TWIST2: variants seen among roughly 807,000 people sequenced by gnomAD.
TWIST2 encodes twist-related protein 2.
TWIST2 carries 1 observed loss-of-function variant against 11.6 expected under a neutral mutation model. The ratio of observed to expected loss-of-function variants is 0.09; its 90% CI spans 0.03 to 0.41. TWIST2 has a LOEUF of 0.41. TWIST2 is among the 10% of genes least tolerant of loss of function. The probability of loss-of-function intolerance (pLI) is 0.98; values close to 1 mark genes in which losing one functional copy is unlikely to be tolerated. For synonymous variants in TWIST2, 87 were observed against 96.6 expected, an observed-to-expected ratio of 0.90 and a Z score of 0.58; for missense variants, 168 against 226.4, an observed-to-expected ratio of 0.74 and a Z score of 1.66.
intron 1 of TWIST2, among the ~76,000 whole-genome samples, chr2:238,857,735 G>T (rs1188164888): frequency 1.3e-5 from 2 of 151,986 alleles, no homozygotes; most frequent in African/African-American, 4.8e-5. Flanking sequence ...CCAGGAGTTC[G>T]AGACCAGCCT....
At chr2:238,909,792 A>AG (rs1286003138) in intron 1 of TWIST2, 50 bp from the exon 2 acceptor site, 1 of 152,234 alleles carries the variant, frequency 6.6e-6, no homozygotes, top group Non-Finnish European at 1.5e-5. Context: ...ATCCTGCAGG[A>AG]GGCCGAGCGA....
Position 238,902,662 on chromosome 2 carries a change from G to GTGTGTGA in TWIST2, c.*36-7174_*36-7173insATGTGTG, listed in dbSNP as rs1348923325. ...AGGTGTGTGATGGTGTGTGTGTGAT[G>GTGTGTGA]TGTGTGTGATGTGGGGTGTGTGTGA... is the stretch of plus-strand genomic sequence containing the variant. On this transcript the variant is annotated intron_variant, in intron 1 of 1. Transcript: ENST00000612363. Among the ~76,000 whole-genome samples, 3 of 126,168 alleles carry GTGTGTGA rather than the reference G, an allele frequency of 2.4e-5. No homozygotes were observed. In the South Asian group the frequency reaches 8.4e-4, roughly 35 times the overall value. 82.8% of individuals were successfully genotyped at this position (126,168 alleles called of 152,430 possible). A position where few individuals can be genotyped will look rare whatever the true frequency, so the allele number is the denominator to read the frequency against.
At chr2:238,902,981 GT>G (rs1693294157) in intron 1 of TWIST2, among the ~76,000 whole-genome samples, 2 of 43,494 alleles carry the variant, frequency 4.6e-5, no homozygotes, top group African/African-American at 1.3e-4. Flanking sequence ...TGTGATGTGG[GT>G]GTGTGATGGG....
intron 1 of TWIST2, among the ~76,000 whole-genome samples, chr2:238,905,571 C>T (rs1450502691): frequency 6.6e-6 from 1 of 152,198 alleles, no homozygotes; most frequent in Non-Finnish European, 1.5e-5. Context: ...TGAAACCCAC[C>T]ACTGGCCAGG....
intron 1 of TWIST2, among the ~76,000 whole-genome samples, chr2:238,884,094 C>T (rs1256416303): frequency 6.6e-6 from 1 of 152,216 alleles, no homozygotes; most frequent in African/African-American, 2.4e-5. Flanking sequence ...AAGTTCAGCC[C>T]CTCCACAGAA....
At chr2:238,883,287 A>C (rs1399235099) in intron 1 of TWIST2, among the ~76,000 whole-genome samples, 1 of 152,196 alleles carries the variant, frequency 6.6e-6, no homozygotes, top group African/African-American at 2.4e-5. Context: ...GGAGACATGC[A>C]GGATCCACGA....
chr2:238,894,747 C>T (rs1411088570), intron 1 of TWIST2, among the ~76,000 whole-genome samples: 1 of 151,838 alleles, frequency 6.6e-6, no homozygotes, highest in Admixed American at 6.6e-5. Context: ...CCACCCCTCT[C>T]AACTGGGACT....
chr2:238,901,275 C>T (rs1346435606), intron 1 of TWIST2, among the ~76,000 whole-genome samples: 1 of 152,214 alleles, frequency 6.6e-6, no homozygotes, highest in Non-Finnish European at 1.5e-5. Flanking sequence ...CCGTGCCGGC[C>T]TCCTTTGCCT....
intron 1 of TWIST2, among the ~76,000 whole-genome samples, chr2:238,899,476 A>T (rs2106372473): frequency 6.6e-6 from 1 of 152,318 alleles, no homozygotes; most frequent in East Asian, 1.9e-4. Flanking sequence ...AGAAGTGGAA[A>T]CTGAGAGCTG....
chr2:238,900,170 C>T (rs1693252010), intron 1 of TWIST2, among the ~76,000 whole-genome samples: 1 of 152,178 alleles, frequency 6.6e-6, no homozygotes, highest in South Asian at 2.1e-4. Context: ...GCTATCGATA[C>T]ATTTGGGTTT....
chr2:238,893,793 A>G (rs1693176751), intron 1 of TWIST2, among the ~76,000 whole-genome samples: 1 of 152,140 alleles, frequency 6.6e-6, no homozygotes, highest in African/African-American at 2.4e-5. Flanking sequence ...GACCATTCCC[A>G]AGGAGCGCCG....
intron 1 of TWIST2, among the ~76,000 whole-genome samples, chr2:238,901,699 C>T (rs1025602275): frequency 3.3e-5 from 5 of 152,130 alleles, no homozygotes; most frequent in South Asian, 4.1e-4. Flanking sequence ...GGTCCAGACT[C>T]GGCAGGGGAC....
chr2:238,857,011 A>C (rs555695203), intron 1 of TWIST2, among the ~76,000 whole-genome samples: 57 of 152,282 alleles, frequency 3.7e-4, no homozygotes, highest in Non-Finnish European at 7.1e-4. Context: ...TGACAATCGC[A>C]GGTGATTCAG....
At chr2:238,879,204 G>A (rs945835559) in intron 1 of TWIST2, among the ~76,000 whole-genome samples, 3 of 152,126 alleles carry the variant, frequency 2.0e-5, no homozygotes, top group African/African-American at 7.2e-5. Flanking sequence ...AGACCCATGT[G>A]TCTTAGAGAG....
intron 1 of TWIST2, among the ~76,000 whole-genome samples, chr2:238,849,847 C>T (rs552182632): frequency 6.6e-6 from 1 of 152,342 alleles, no homozygotes; most frequent in Admixed American, 6.5e-5. Flanking sequence ...ATCCGCCATC[C>T]AGGGCCATGG....
At chr2:238,900,728 G>A (rs1693259234) in intron 1 of TWIST2, among the ~76,000 whole-genome samples, 1 of 152,104 alleles carries the variant, frequency 6.6e-6, no homozygotes, top group Non-Finnish European at 1.5e-5. Context: ...GGGGTGGTGA[G>A]CTTGTTTGGA....
chr2:238,909,157 G>GTGTAGTGTGGGGTGGTGTGTA (rs1693410687), intron 1 of TWIST2, among the ~76,000 whole-genome samples: 1 of 26,436 alleles, frequency 3.8e-5, no homozygotes, highest in African/African-American at 1.1e-4. Flanking sequence ...TGTATGTGGT[G>GTGTAGTGTGGGGTGGTGTGTA]TGTAGTGTGG....
intron 1 of TWIST2, among the ~76,000 whole-genome samples, chr2:238,861,292 G>T (rs1372957195): frequency 6.6e-6 from 1 of 152,174 alleles, no homozygotes; most frequent in African/African-American, 2.4e-5. Context: ...CACATTCGTA[G>T]CACAGCACAC....
chr2:238,873,692 G>A lies in TWIST2; in HGVS notation c.*35+24959G>A, dbSNP rs139519630. Reference sequence around the variant, plus strand: ...TGCACGGTGCCAGGGGAGGACAGAAGCAAAGTTGGGCTGAGAGTCAGAAGC... The same window carrying A: ...TGCACGGTGCCAGGGGAGGACAGAAACAAAGTTGGGCTGAGAGTCAGAAGC... On this transcript the variant is annotated intron_variant, in intron 1 of 1. Coordinates refer to ENST00000612363, the MANE Select transcript of TWIST2 (RefSeq NM_001271893.4). Among the ~76,000 whole-genome samples, 93 of 152,322 alleles carry A rather than the reference G, an allele frequency of 6.1e-4. 1 individual carries two copies. In the East Asian group the frequency reaches 0.017, roughly 28 times the overall value.
Sources: gnomAD v4.1 joint callset for allele counts (sites outside exome capture counted in the v4.1 genomes callset) on GRCh38, gnomAD v4.1.1 for gene constraint, MANE v1.5 for transcripts, NCBI Gene and HGNC (gene_info 2026-07-23, HGNC 2026-07-21) for gene names.